Variants in TRMT2B observed in about 807,000 individuals in gnomAD.
TRMT2B encodes the protein tRNA methyltransferase 2B, also known as tRNA (uracil-5-)-methyltransferase homolog B.
A neutral mutation model predicts 39.7 loss-of-function variants in TRMT2B; 34 were observed. The ratio of observed to expected loss-of-function variants is 0.86; its 90% CI spans 0.65 to 1.14. The LOEUF (loss-of-function observed/expected upper bound fraction) is 1.14, where lower values mean the gene tolerates loss of function less well. TRMT2B is among the 50% of genes most tolerant of loss of function. The pLI, the probability that TRMT2B is intolerant of heterozygous loss-of-function variation, is 0.00. For synonymous variants in TRMT2B, 132 were observed against 137.3 expected (o/e 0.96, Z 0.27); for missense variants, 318 against 377.2 (o/e 0.84, Z 1.30).
intron 4 of TRMT2B, among the ~76,000 whole-genome samples, chrX:101,039,862 T>C (rs2088112073): frequency 9.2e-6 from 1 of 108,126 alleles, no homozygotes; most frequent in East Asian, 2.9e-4. Context: ...ATCACACCTC[T>C]GCATTCCAGC....
At chrX:101,044,772 G>A (rs866633380) in intron 2 of TRMT2B, among the ~76,000 whole-genome samples, 10 of 105,828 alleles carry the variant, frequency 9.4e-5, no homozygotes, top group Non-Finnish European at 1.4e-4. Flanking sequence ...CCCAGGAGGC[G>A]GAGGTTGCAG....
chrX:100,983,865 AG>A, the TRMT2B span, among the ~76,000 whole-genome samples: 1 of 111,525 alleles, frequency 9.0e-6, no homozygotes, highest in Non-Finnish European at 1.9e-5. Flanking sequence ...AAGACCCAAA[AG>A]TATATTACTA....
intron 2 of TRMT2B, among the ~76,000 whole-genome samples, chrX:101,045,896 C>T (rs908012839): frequency 2.8e-5 from 3 of 108,659 alleles, no homozygotes; most frequent in Non-Finnish European, 5.7e-5. Flanking sequence ...CCTGTAATCC[C>T]AGCACTTTGG....
the TRMT2B span, chrX:100,990,249 A>T: frequency 1.5e-6 from 1 of 678,130 alleles, no homozygotes. Flanking sequence ...ATACCCTCCT[A>T]CCATGAAATG....
the TRMT2B span, chrX:100,987,266 A>T: frequency 1.5e-6 from 1 of 681,610 alleles, no homozygotes; most frequent in Non-Finnish European, 2.1e-6. Flanking sequence ...TAGAAGTCTC[A>T]GAGCCTCTCT....
At chrX:100,993,145 G>A in the TRMT2B span, among the ~76,000 whole-genome samples, 1 of 112,003 alleles carries the variant, frequency 8.9e-6, no homozygotes, top group Non-Finnish European at 1.9e-5. Context: ...TCCAACCCCT[G>A]TTGTTATAAA....
chrX:101,046,312 G>A (rs1401412509), intron 2 of TRMT2B, among the ~76,000 whole-genome samples: 7 of 111,523 alleles, frequency 6.3e-5, no homozygotes, highest in African/African-American at 9.8e-5. Context: ...AAGAGAGCCT[G>A]GAGGCCTGGA....
the TRMT2B span, chrX:100,990,605 G>A: frequency 5.2e-6 from 6 of 1,152,688 alleles, no homozygotes; most frequent in Admixed American, 1.3e-4. Context: ...CAAGAAGAGT[G>A]AGATGGCATC....
the TRMT2B span, among the ~76,000 whole-genome samples, chrX:100,982,592 C>T: frequency 7.2e-3 from 785 of 108,812 alleles, 11 homozygotes; most frequent in African/African-American, 0.025. Flanking sequence ...AACCTACTGA[C>T]GGGACCTGGA....
chrX:101,045,823 A>T (rs923513019), intron 2 of TRMT2B, among the ~76,000 whole-genome samples: 3 of 107,845 alleles, frequency 2.8e-5, no homozygotes, highest in Non-Finnish European at 5.7e-5. Flanking sequence ...TAATAATATA[A>T]CAAAAATTTT....
Position 101,051,622 on chromosome X carries a change from C to A in TRMT2B, c.-395G>T. 1 of 754,904 alleles carries A rather than the reference C, an allele frequency of 1.3e-6. No individual in the cohort carries two copies. The highest frequency in any genetic ancestry group is 1.5e-4 in the East Asian group (1 of 6,670). The allele number at this position is 754,904 out of a possible 1,213,427, so 62.2% of individuals were successfully genotyped here. Reference sequence around the variant, plus strand: ...GGAGTGGGAGGAGTTAGGGCACAGGCCCACGCTGGGCCGTACACGACCTTG... The same window carrying A: ...GGAGTGGGAGGAGTTAGGGCACAGGACCACGCTGGGCCGTACACGACCTTG... On this transcript the variant is annotated 5_prime_UTR_variant, in exon 2 of 14. Transcript: ENST00000372936.
At chrX:101,024,366 G>A (rs1452444836) in intron 7 of TRMT2B, among the ~76,000 whole-genome samples, 2 of 111,819 alleles carry the variant, frequency 1.8e-5, no homozygotes, top group African/African-American at 6.5e-5. Flanking sequence ...GCCGTATTTT[G>A]TAATGGCAGC....
intron 7 of TRMT2B, among the ~76,000 whole-genome samples, chrX:101,027,317 C>T (rs1235766340): frequency 2.7e-5 from 3 of 109,980 alleles, no homozygotes; most frequent in Non-Finnish European, 5.7e-5. Context: ...CTGCAACCTC[C>T]GCCTCCCGGG....
At chrX:100,985,694 T>C in the TRMT2B span, 1 of 1,210,477 alleles carries the variant, frequency 8.3e-7, no homozygotes, top group Non-Finnish European at 1.1e-6. Flanking sequence ...GACCATTGCA[T>C]GAAATCGGAA....
chrX:101,033,257 A>G (rs1157488613), intron 7 of TRMT2B, among the ~76,000 whole-genome samples: 1 of 86,331 alleles, frequency 1.2e-5, no homozygotes, highest in East Asian at 3.2e-4. Context: ...ACTCCAAGTC[A>G]AAAAAAAAAA....
At chrX:101,048,118 A>ACACG (rs1227741794) in intron 2 of TRMT2B, among the ~76,000 whole-genome samples, 1 of 62,288 alleles carries the variant, frequency 1.6e-5, no homozygotes, top group Non-Finnish European at 3.1e-5. Context: ...ACACATACAC[A>ACACG]CACACACACA....
the TRMT2B span, among the ~76,000 whole-genome samples, chrX:100,988,963 C>CA: frequency 9.5e-6 from 1 of 105,389 alleles, no homozygotes; most frequent in African/African-American, 3.5e-5. Context: ...CGCAAGTACC[C>CA]AAAAAACGAT....
At chrX:100,973,751 A>C in the TRMT2B span, 1 of 1,209,170 alleles carries the variant, frequency 8.3e-7, no homozygotes, top group Non-Finnish European at 1.1e-6. Flanking sequence ...ACACGAAGGT[A>C]ATATTACAAT....
At chrX:101,030,992 C>T (rs1328476160) in intron 7 of TRMT2B, among the ~76,000 whole-genome samples, 2 of 106,971 alleles carry the variant, frequency 1.9e-5, no homozygotes, top group African/African-American at 6.9e-5. Context: ...TTTTTTTTGA[C>T]ACAGGGTCTT....
Sources: gnomAD v4.1 joint callset for allele counts (sites outside exome capture counted in the v4.1 genomes callset) on GRCh38, gnomAD v4.1.1 for gene constraint, MANE v1.5 for transcripts, NCBI Gene and HGNC (gene_info 2026-07-23, HGNC 2026-07-21) for gene names.